RASA4B: variants seen among roughly 807,000 people sequenced by gnomAD.
RASA4B encodes the protein ras GTPase-activating protein 4B.
Under a neutral mutation model 24.2 loss-of-function variants are expected in RASA4B, and 2 were observed. The ratio of observed to expected loss-of-function variants is 0.08; its 90% confidence interval spans 0.03 to 0.26. The LOEUF (loss-of-function observed/expected upper bound fraction) is 0.26, where lower values mean the gene tolerates loss of function less well. Among genes scored for constraint, RASA4B ranks in the 10% least tolerant of loss-of-function variants. The pLI is 1.00. For synonymous variants in RASA4B, 2 were observed against 125.6 expected (o/e 0.02, Z 6.58); for missense variants, 8 against 277.2 (o/e 0.03, Z 6.90).
chr7:102,511,709 T>G lies in RASA4B; in HGVS notation c.122+216A>C, dbSNP rs1206985398. Among the ~76,000 whole-genome samples, 158 of 35,002 alleles carry G rather than the reference T, an allele frequency of 4.5e-3. 15 individuals are homozygous for G. The highest frequency in any genetic ancestry group is 0.024 in the Middle Eastern group (2 of 84). The allele number at this position is 35,002 out of a possible 152,430, so 23.0% of individuals were successfully genotyped here. A position where few individuals can be genotyped will look rare whatever the true frequency, so the allele number is the denominator to read the frequency against. Reference sequence around the variant, plus strand: ...GATTGCAAAGATGAACAGAGTCCGGTGAGAGGCCCTTGGCCAGGCCAGTTC... The same window carrying G: ...GATTGCAAAGATGAACAGAGTCCGGGGAGAGGCCCTTGGCCAGGCCAGTTC... On this transcript the variant is annotated intron_variant, in intron 2 of 20. Coordinates refer to ENST00000465829, the MANE Select transcript of RASA4B (RefSeq NM_001367767.2).
chr7:102,491,371 A>G (rs1306643581), intron 16 of RASA4B, among the ~76,000 whole-genome samples: 16 of 25,330 alleles, frequency 6.3e-4, no homozygotes, highest in African/African-American at 7.4e-4. Context: ...GTGTCGGGAC[A>G]GCCAGCATTC....
In RASA4B at chr7:102,481,905, C is replaced by T. The variant is rs1798615708; in HGVS notation, c.*1687G>A. On this transcript the variant is annotated 3_prime_UTR_variant, in exon 21 of 21. Transcript: ENST00000465829. ...TGGATGCAGGCAGACGTGAAAACAG[C>T]GCCCACCTGGAGAGCTAGAAACATC... Among the ~76,000 whole-genome samples the T allele has an allele frequency of 6.5e-5, 3 of 46,504 alleles. No homozygotes were observed. Among genetic ancestry groups the T allele is most frequent in the Admixed American group, 2.8e-4 (1 of 3,626 alleles). 30.5% of individuals were successfully genotyped at this position (46,504 alleles called of 152,430 possible). A position where few individuals can be genotyped will look rare whatever the true frequency, so the allele number is the denominator to read the frequency against.
chr7:102,504,180 C>T (rs1449511874), intron 5 of RASA4B, among the ~76,000 whole-genome samples: 1 of 152,226 alleles, frequency 6.6e-6, no homozygotes, highest in African/African-American at 2.4e-5. Flanking sequence ...GCAATCATAG[C>T]CCACTGCAGC....
rs1185378975 is a variant in RASA4B at position 102,499,184 on chromosome 7, CA to C, written c.737+1514del. Among the ~76,000 whole-genome samples the C allele has an allele frequency of 7.9e-3, 708 of 89,158 alleles. 12 individuals are homozygous for C. Among genetic ancestry groups the C allele is most frequent in the African/African-American group, 0.022 (655 of 29,752 alleles). 58.5% of individuals were successfully genotyped at this position (89,158 alleles called of 152,430 possible). A position where few individuals can be genotyped will look rare whatever the true frequency, so the allele number is the denominator to read the frequency against. On this transcript the variant is annotated intron_variant, in intron 8 of 20. Transcript: ENST00000465829. ...CTAGGTGACAGAGTGAGATTCTGCTCAAAAAAAAAATATATATATATATATA... is the reference window on the plus strand; with the variant it reads ...CTAGGTGACAGAGTGAGATTCTGCTCAAAAAAAAATATATATATATATATA...
rs1344064277 is a variant in RASA4B, at chr7:102,481,067, A to C, written c.*2525T>G. On this transcript the variant is annotated 3_prime_UTR_variant, in exon 21 of 21. Coordinates refer to ENST00000465829, the MANE Select transcript of RASA4B (RefSeq NM_001367767.2). ...ATTGGTTAAATATCTTCTCTTTTTT[A>C]TACTTTTTATTGTAGTAAAATAGGT... is the stretch of plus-strand genomic sequence containing the variant. 2.2e-5 allele frequency among the ~76,000 whole-genome samples: 2 copies of C among 90,522 alleles called. 1 individual carries two copies. Among genetic ancestry groups the C allele is most frequent in the Non-Finnish European group, 6.0e-5 (2 of 33,102 alleles). 59.4% of individuals were successfully genotyped at this position (90,522 alleles called of 152,430 possible).
intron 19 of RASA4B, among the ~76,000 whole-genome samples, chr7:102,484,757 G>A (rs1301747585): frequency 1.3e-5 from 2 of 149,574 alleles, no homozygotes; most frequent in Non-Finnish European, 3.0e-5. Context: ...AGATGGCCAG[G>A]GAACTCAGGG....
intron 5 of RASA4B, among the ~76,000 whole-genome samples, chr7:102,505,971 C>A (rs1279757367): frequency 7.9e-6 from 1 of 126,702 alleles, no homozygotes; most frequent in Admixed American, 7.3e-5. Context: ...TCTTTTCACG[C>A]CCCCAGCCCC....
At position 102,497,021 on chromosome 7, in the gene RASA4B, C is replaced by G. The variant is rs1799168690; in HGVS notation, c.738-57G>C. The G allele has an allele frequency of 1.1e-5, 17 of 1,595,770 alleles. 1 individual carries two copies. The South Asian group carries it at 1.9e-4, about 18-fold the overall frequency. On this transcript the variant is annotated intron_variant, in intron 8 of 20. Coordinates refer to ENST00000465829, the MANE Select transcript of RASA4B (RefSeq NM_001367767.2). ...GGGACTCAGGCCACCCTGGACCACA[C>G]CACTCCCATGGCCTCCAGTTTTTTC...
chr7:102,506,477 C>T (rs1799513176), intron 5 of RASA4B, among the ~76,000 whole-genome samples: 1 of 151,164 alleles, frequency 6.6e-6, no homozygotes, highest in Non-Finnish European at 1.5e-5. Flanking sequence ...GAACTCCTGG[C>T]CTCAGGTGAA....
chr7:102,492,821 C>T (rs1377952771), intron 16 of RASA4B, among the ~76,000 whole-genome samples: 2 of 135,960 alleles, frequency 1.5e-5, no homozygotes. Context: ...CCCACCACCA[C>T]ACCCGGCTGA....
At position 102,480,270 on chromosome 7, in the gene RASA4B, G is replaced by T. The variant is rs1798582789; in HGVS notation, c.*3322C>A. ...AGCAGACCAGGAAAGGGAGTGTACA[G>T]TGAGATCAGGATGAGGGTGGTGAGG... On this transcript the variant is annotated 3_prime_UTR_variant, in exon 21 of 21. Transcript: ENST00000465829. Among the ~76,000 whole-genome samples, 2 of 152,186 alleles carry T rather than the reference G, an allele frequency of 1.3e-5. No homozygotes were observed. The highest frequency in any genetic ancestry group is 4.8e-5 in the African/African-American group (2 of 41,468).
intron 1 of RASA4B, among the ~76,000 whole-genome samples, chr7:102,512,787 TGAGGGGGTGAGAGG>T (rs1799739087): frequency 3.8e-5 from 2 of 53,242 alleles, no homozygotes; most frequent in African/African-American, 6.7e-5. Context: ...GGAGACTGAG[TGAGGGGGTGAGAGG>T]GAGGGGGAGA....
At chr7:102,489,651 C>T (rs1322580451) in intron 17 of RASA4B, among the ~76,000 whole-genome samples, 2 of 149,610 alleles carry the variant, frequency 1.3e-5, no homozygotes, top group South Asian at 4.3e-4. Context: ...CACCACCACA[C>T]CCGGCTACTT....
rs1038984494 is a variant in RASA4B, at chr7:102,480,353, T to A, written c.*3239A>T. ...GGGGTTGGCAGAAGCCAGCAAGGCT[T>A]GGGGTTTCCCTGTTTGGAGCTCTCC... On this transcript the variant is annotated 3_prime_UTR_variant, in exon 21 of 21. Transcript: ENST00000465829. 2.6e-5 allele frequency among the ~76,000 whole-genome samples: 4 copies of A among 151,544 alleles called. No individual in the cohort carries two copies. Among genetic ancestry groups the A allele is most frequent in the Non-Finnish European group, 5.9e-5 (4 of 67,832 alleles).
rs1225495215 is a variant in RASA4B, at chr7:102,480,104, C to T, written c.*3488G>A. ...GAGGAGTGACCAGAAGACAAGAGTG[C>T]GAGCTTTCTGTTATGCCCGGACAGG... On this transcript the variant is annotated 3_prime_UTR_variant, in exon 21 of 21. Transcript: ENST00000465829. 2.0e-5 allele frequency among the ~76,000 whole-genome samples: 3 copies of T among 152,096 alleles called. No homozygotes were observed. Among genetic ancestry groups the T allele is most frequent in the Admixed American group, 1.3e-4 (2 of 15,228 alleles).
Position 102,480,435 on chromosome 7 carries a change from C to T in RASA4B, c.*3157G>A, listed in dbSNP as rs886261853. Among the ~76,000 whole-genome samples, 1 of 146,450 alleles carries T rather than the reference C, an allele frequency of 6.8e-6. No individual in the cohort carries two copies. Among genetic ancestry groups the T allele is most frequent in the Non-Finnish European group, 1.5e-5 (1 of 66,172 alleles). The stretch of plus-strand genomic sequence containing the variant: ...TGTGAAAATGCAAACTTGGCTCTCC[C>T]TGGCTGGAGGCTGGCATTGGGTGAG... On this transcript the variant is annotated 3_prime_UTR_variant, in exon 21 of 21. Coordinates refer to ENST00000465829, the MANE Select transcript of RASA4B (RefSeq NM_001367767.2).
rs539931845 is a variant in RASA4B at position 102,498,716 on chromosome 7, A to G, written c.738-1752T>C. ...CCACCATTTTTTGTACTTTTAGTAG[A>G]GACGGTGTTTCACCATGTTGGCCAG... On this transcript the variant is annotated intron_variant, in intron 8 of 20. Coordinates refer to ENST00000465829, the MANE Select transcript of RASA4B (RefSeq NM_001367767.2). Among the ~76,000 whole-genome samples the G allele has an allele frequency of 9.8e-3, 1,042 of 106,844 alleles. 10 individuals are homozygous for G. The highest frequency in any genetic ancestry group is 0.033 in the African/African-American group (988 of 30,036). The allele number at this position is 106,844 out of a possible 152,430, so 70.1% of individuals were successfully genotyped here. A position where few individuals can be genotyped will look rare whatever the true frequency, so the allele number is the denominator to read the frequency against.
At chr7:102,513,389 A>ACTG in intron 1 of RASA4B, among the ~76,000 whole-genome samples, 1 of 138,166 alleles carries the variant, frequency 7.2e-6, no homozygotes, top group Non-Finnish European at 1.6e-5. Context: ...GAATGAATGA[A>ACTG]CTGATGAGTG....
In RASA4B at chr7:102,480,051, A is replaced by G. The variant is rs1473697892; in HGVS notation, c.*3541T>C. ...ATCATAACCTAGGAAACACCAGGCC[A>G]TACAGAGATAGGAGCTGAGGGGACA... is the stretch of plus-strand genomic sequence containing the variant. On this transcript the variant is annotated 3_prime_UTR_variant, in exon 21 of 21. Coordinates refer to ENST00000465829, the MANE Select transcript of RASA4B (RefSeq NM_001367767.2). 6.6e-6 allele frequency among the ~76,000 whole-genome samples: 1 copy of G among 152,154 alleles called. No individual in the cohort carries two copies.
Sources: allele counts gnomAD v4.1 joint callset (sites outside exome capture counted in the v4.1 genomes callset), GRCh38; gene constraint gnomAD v4.1.1; transcripts MANE v1.5; gene names NCBI Gene and HGNC (gene_info 2026-07-23, HGNC 2026-07-21).